The following TAS2R1 variants were observed in gnomAD, a reference collection of about 807,000 sequenced individuals.
The protein encoded by TAS2R1 is taste 2 receptor member 1, also known as taste receptor type 2 member 1.
For missense variants in TAS2R1, 370 were observed against 353.4 expected (o/e 1.05, Z -0.38); for synonymous variants, 141 against 134.2 (o/e 1.05, Z -0.35).
At chr5:9,798,593 TG>T in the TAS2R1 span, among the ~76,000 whole-genome samples, 1 of 152,204 alleles carries the variant, frequency 6.6e-6, no homozygotes, top group Admixed American at 6.5e-5. Context: ...ATCTGTAAAA[TG>T]CTGAGGGTCC....
rs185738521 is a variant in TAS2R1 at position 9,670,726 on chromosome 5, G to T, written c.-241-11145C>A. 4.6e-3 allele frequency among the ~76,000 whole-genome samples: 693 copies of T among 152,234 alleles called. 5 individuals carry two copies. The highest frequency in any genetic ancestry group is 0.016 in the African/African-American group (647 of 41,536). ...CTACCAGATGTATAACGAAGAGCTG[G>T]TATCATTTCTACTGAAACTATTCCA... On this transcript the variant is annotated intron_variant, in intron 1 of 2. Coordinates refer to the TAS2R1 transcript ENST00000506620.
the TAS2R1 span, among the ~76,000 whole-genome samples, chr5:9,722,876 G>T: frequency 1.3e-5 from 2 of 152,230 alleles, no homozygotes; most frequent in African/African-American, 4.8e-5. Context: ...CATCGGCTCT[G>T]CTTTGCCCTT....
the TAS2R1 span, among the ~76,000 whole-genome samples, chr5:9,828,679 A>G: frequency 6.6e-6 from 1 of 152,176 alleles, no homozygotes; most frequent in African/African-American, 2.4e-5. Context: ...AAAAACTGTG[A>G]TTTTCTAATT....
the TAS2R1 span, among the ~76,000 whole-genome samples, chr5:9,767,382 G>A: frequency 2.9e-4 from 44 of 152,126 alleles, no homozygotes; most frequent in East Asian, 8.1e-3. Context: ...AGTGAGCCTC[G>A]AAGCTGGACC....
the TAS2R1 span, among the ~76,000 whole-genome samples, chr5:9,866,629 T>C: frequency 1.3e-5 from 2 of 152,230 alleles, no homozygotes; most frequent in Non-Finnish European, 2.9e-5. Flanking sequence ...TCATAGGATA[T>C]AGGCCTTAAG....
the TAS2R1 span, among the ~76,000 whole-genome samples, chr5:9,873,070 C>G: frequency 2.0e-5 from 3 of 152,276 alleles, no homozygotes; most frequent in South Asian, 6.2e-4. Context: ...TTTGATTTTC[C>G]TTTTACATAT....
intron 2 of TAS2R1, among the ~76,000 whole-genome samples, chr5:9,654,935 A>C (rs1042237761): frequency 2.6e-5 from 4 of 152,234 alleles, no homozygotes; most frequent in African/African-American, 9.6e-5. Flanking sequence ...GCATGTTCCC[A>C]CAAAAAGACT....
the TAS2R1 span, among the ~76,000 whole-genome samples, chr5:9,755,642 C>T: frequency 1.7e-4 from 25 of 151,424 alleles, no homozygotes; most frequent in East Asian, 4.9e-3. Flanking sequence ...AATGGCTATT[C>T]CATTGACAGA....
At chr5:9,717,239 G>C (rs1734832314), upstream of TAS2R1, among the ~76,000 whole-genome samples, 1 of 152,164 alleles carries the variant, frequency 6.6e-6, no homozygotes, top group Non-Finnish European at 1.5e-5. Context: ...GGTGGCCTCA[G>C]AACATACTAC....
At chr5:9,876,460 G>A in the TAS2R1 span, among the ~76,000 whole-genome samples, 2 of 151,972 alleles carry the variant, frequency 1.3e-5, no homozygotes, top group African/African-American at 2.4e-5. Flanking sequence ...GTTCTCTTGC[G>A]AATTTGGCTA....
intron 1 of TAS2R1, among the ~76,000 whole-genome samples, chr5:9,675,129 A>T (rs1740847767): frequency 6.7e-6 from 1 of 149,176 alleles, no homozygotes; most frequent in Non-Finnish European, 1.5e-5. Context: ...TATATCTAAT[A>T]TATATATGTA....
chr5:9,855,740 AT>A, the TAS2R1 span, among the ~76,000 whole-genome samples: 3 of 152,238 alleles, frequency 2.0e-5, no homozygotes, highest in Non-Finnish European at 4.4e-5. Context: ...CCTGCTTCTG[AT>A]ATGAGAAAGT....
At chr5:9,779,887 A>G in the TAS2R1 span, among the ~76,000 whole-genome samples, 1 of 152,236 alleles carries the variant, frequency 6.6e-6, no homozygotes, top group Non-Finnish European at 1.5e-5. Context: ...AGTGCAGTAA[A>G]GAGAAGCACA....
the TAS2R1 span, among the ~76,000 whole-genome samples, chr5:9,813,786 T>C: frequency 6.6e-6 from 1 of 152,188 alleles, no homozygotes; most frequent in African/African-American, 2.4e-5. Context: ...CTACATCAAA[T>C]TTATAGAATT....
At chr5:9,786,470 G>A in the TAS2R1 span, among the ~76,000 whole-genome samples, 1 of 152,142 alleles carries the variant, frequency 6.6e-6, no homozygotes, top group Non-Finnish European at 1.5e-5. Flanking sequence ...GTGAGTAAGT[G>A]GTGCCTAGAA....
At chr5:9,695,414 G>C (rs973246426) in intron 1 of TAS2R1, among the ~76,000 whole-genome samples, 1 of 152,022 alleles carries the variant, frequency 6.6e-6, no homozygotes, top group Non-Finnish European at 1.5e-5. Context: ...ACCAACTCTC[G>C]GTAGATGGAA....
At chr5:9,885,917 C>T in the TAS2R1 span, among the ~76,000 whole-genome samples, 1 of 151,584 alleles carries the variant, frequency 6.6e-6, no homozygotes, top group Non-Finnish European at 1.5e-5. Flanking sequence ...GAAGAAACTT[C>T]AATAAAATTA....
chr5:9,721,543 A>G, the TAS2R1 span, among the ~76,000 whole-genome samples: 1 of 152,234 alleles, frequency 6.6e-6, no homozygotes, highest in East Asian at 1.9e-4. Flanking sequence ...AGGTGTTATC[A>G]TCATCATCAT....
At chr5:9,753,448 C>T in the TAS2R1 span, among the ~76,000 whole-genome samples, 1 of 152,058 alleles carries the variant, frequency 6.6e-6, no homozygotes, top group African/African-American at 2.4e-5. Flanking sequence ...TGGATATTAG[C>T]CCTTTGTCAG....
Sources: gnomAD v4.1 joint callset for allele counts (sites outside exome capture counted in the v4.1 genomes callset) on GRCh38, gnomAD v4.1.1 for gene constraint, MANE v1.5 for transcripts, NCBI Gene and HGNC (gene_info 2026-07-23, HGNC 2026-07-21) for gene names.